The following NR1D2 variants were observed in gnomAD, a reference collection of about 807,000 sequenced individuals.
NR1D2 encodes the protein nuclear receptor subfamily 1 group D member 2.
Under a neutral mutation model 52.2 loss-of-function variants are expected in NR1D2, and 25 were observed. That is an observed-to-expected ratio of 0.48 (90% CI 0.35 to 0.67). The LOEUF (loss-of-function observed/expected upper bound fraction) is 0.67. Ranked by LOEUF, NR1D2 falls within the 30% of genes least tolerant of loss-of-function variation. The pLI is 0.01. For synonymous variants in NR1D2, 259 were observed against 230.1 expected (o/e 1.13, Z -1.14); for missense variants, 681 against 707.2 (o/e 0.96, Z 0.42).
At chr3:23,945,644 A>T in intron 1 of NR1D2, 50 bp downstream of exon 1, 3 of 906,794 alleles carry the variant, frequency 3.3e-6, no homozygotes, top group Non-Finnish European at 4.0e-6. Context: ...GAGCGCTCAG[A>T]GCCCGCGGGG....
At chr3:23,957,612 A>T (rs1161957361) in intron 3 of NR1D2, among the ~76,000 whole-genome samples, 1 of 151,000 alleles carries the variant, frequency 6.6e-6, no homozygotes, top group African/African-American at 2.4e-5. Flanking sequence ...AGTCCCAGCT[A>T]CTCGGGAGGC....
At chr3:23,976,530 G>T (rs1345516174) in intron 7 of NR1D2, among the ~76,000 whole-genome samples, 1 of 152,230 alleles carries the variant, frequency 6.6e-6, no homozygotes, top group African/African-American at 2.4e-5. Flanking sequence ...GAGCACCTCA[G>T]TTGCTTGCTG....
chr3:23,964,122 A>G (rs1463876059), intron 5 of NR1D2, among the ~76,000 whole-genome samples: 2 of 149,866 alleles, frequency 1.3e-5, no homozygotes, highest in Admixed American at 6.7e-5. Flanking sequence ...TCTGTCACCC[A>G]GGCTGGAGTG....
At position 23,966,013 on chromosome 3, in the gene NR1D2, T is replaced by C. The variant is rs72628105; in HGVS notation, c.1332+851T>C. ...CTTCTCTTGCAACACTGTATCCTGC[T>C]TGGGCTTGGGGTAGTCTCTACTGTA... On this transcript the variant is annotated intron_variant, in intron 6 of 7. Coordinates refer to ENST00000312521, the MANE Select transcript of NR1D2 (RefSeq NM_005126.5). 3.6e-3 allele frequency among the ~76,000 whole-genome samples: 541 copies of C among 152,330 alleles called. 14 individuals are homozygous for C. The East Asian group carries it at 0.051, about 14-fold the overall frequency.
intron 7 of NR1D2, among the ~76,000 whole-genome samples, chr3:23,972,501 C>T (rs985330949): frequency 2.6e-5 from 4 of 152,182 alleles, no homozygotes; most frequent in Admixed American, 2.0e-4. Flanking sequence ...TAACAGCAGC[C>T]ACTTCCAGTT....
At chr3:23,949,739 T>G (rs879855761) in intron 1 of NR1D2, among the ~76,000 whole-genome samples, 1 of 152,250 alleles carries the variant, frequency 6.6e-6, no homozygotes, top group Non-Finnish European at 1.5e-5. Context: ...AACTAAAGCT[T>G]CTTGGTGATA....
At chr3:23,958,712 C>CCAA (rs1369219479) in intron 3 of NR1D2, among the ~76,000 whole-genome samples, 1 of 149,824 alleles carries the variant, frequency 6.7e-6, no homozygotes, top group African/African-American at 2.5e-5. Flanking sequence ...CTTTGGGAGG[C>CCAA]CAAGGTGGGC....
At chr3:23,946,085 C>T (rs1705689964) in intron 1 of NR1D2, 1 of 984,694 alleles carries the variant, frequency 1.0e-6, no homozygotes, top group East Asian at 1.1e-4. Context: ...GGCTCCGCCC[C>T]TTTGGAAGCC....
intron 1 of NR1D2, chr3:23,946,108 C>G (rs1225299308): frequency 1.0e-6 from 1 of 984,732 alleles, no homozygotes; most frequent in Non-Finnish European, 1.2e-6. Context: ...GGGGCAGTGA[C>G]GTCGCCGCGA....
Position 23,962,509 on chromosome 3 carries a change from T to C in NR1D2, c.1050T>C (p.Tyr350=). 1 of 1,614,180 alleles carries C rather than the reference T, an allele frequency of 6.2e-7. No homozygotes were observed. Among genetic ancestry groups the C allele is most frequent in the South Asian group, 1.1e-5 (1 of 91,070 alleles). The change falls in exon 5 of 8, where the codon TAT becomes TAC. Residue 350 remains tyrosine, a synonymous_variant. Coordinates refer to ENST00000312521, the MANE Select transcript of NR1D2 (RefSeq NM_005126.5). ...ATTGTATGAACTTCTCCAATGCTTA[T>C]ACTCAAAGAGTATGTGATAGAGTTC... The part of the protein sequence containing the change: ...NGHCMNFSNA[Y]TQRVCDRVPI...
rs1208486190 is a variant in NR1D2 at position 23,980,607 on chromosome 3, T to C, written c.*3188T>C. ...ATGTGGGGGGAGGGGATAATAAATA[T>C]TTCTAACCAACTGTGGTGTTTGGTG... On this transcript the variant is annotated 3_prime_UTR_variant, in exon 8 of 8. Transcript: ENST00000312521. 9.2e-5 allele frequency: 14 copies of C among 152,112 alleles called. No homozygotes were observed. The highest frequency in any genetic ancestry group is 9.2e-4 in the Admixed American group (14 of 15,264). The allele number at this position is 152,112 out of a possible 1,614,324, so 9.4% of individuals were successfully genotyped here.
In NR1D2 at chr3:23,962,342, A is replaced by C. The variant is rs373097979; in HGVS notation, c.883A>C (p.Asn295His). 1 of 1,614,146 alleles carries C rather than the reference A, an allele frequency of 6.2e-7. No individual in the cohort carries two copies. Among genetic ancestry groups the C allele is most frequent in the Non-Finnish European group, 8.5e-7 (1 of 1,180,018 alleles). The change falls in exon 5 of 8, where the codon AAT (asparagine) becomes CAT (histidine). Residue 295 changes from asparagine to histidine, a missense_variant. Coordinates refer to ENST00000312521, the MANE Select transcript of NR1D2 (RefSeq NM_005126.5). The stretch of plus-strand genomic sequence containing the variant: ...GATTCCCAAGAACATGGAGCAATAT[A>C]ATTTAAATCATGATCATTGCGGCAA... ...ERIPKNMEQYNLNHDHCGNGL... is the reference protein window; with the variant it reads ...ERIPKNMEQYHLNHDHCGNGL...
At chr3:23,961,389 C>CTTTTTTTTTTTTTTTTTTTTT (rs869108010) in intron 4 of NR1D2, among the ~76,000 whole-genome samples, 2 of 76,014 alleles carry the variant, frequency 2.6e-5, no homozygotes, top group African/African-American at 5.4e-5. Context: ...CTTTTTCTTT[C>CTTTTTTTTTTTTTTTTTTTTT]TTTTTTTTTT....
At position 23,962,232 on chromosome 3, in the gene NR1D2, C is replaced by A; in HGVS notation, c.773C>A (p.Thr258Asn). 1 of 1,614,162 alleles carries A rather than the reference C, an allele frequency of 6.2e-7. No homozygotes were observed. The highest frequency in any genetic ancestry group is 8.5e-7 in the Non-Finnish European group (1 of 1,180,036). The change falls in exon 5 of 8, where the codon ACC becomes AAC. Residue 258 changes from threonine (T) to asparagine (N), a missense_variant. Thr to Asn is a moderately conservative substitution (Grantham distance 65). Transcript: ENST00000312521. ...AAGGAAGAAGTGATTGGCATGGTGA[C>A]CAGAGCTCACAAGGATACCTTTATG... is the stretch of plus-strand genomic sequence containing the variant. ...FAKEEVIGMV[T>N]RAHKDTFMYN...
At chr3:23,949,494 A>G (rs888761340) in intron 1 of NR1D2, among the ~76,000 whole-genome samples, 2 of 152,160 alleles carry the variant, frequency 1.3e-5, no homozygotes, top group African/African-American at 2.4e-5. Flanking sequence ...GTTTGCCCCT[A>G]TTGATTTCTG....
intron 1 of NR1D2, among the ~76,000 whole-genome samples, chr3:23,950,263 T>C (rs1303493218): frequency 6.6e-6 from 1 of 152,248 alleles, no homozygotes; most frequent in Non-Finnish European, 1.5e-5. Context: ...ACTTGCTTGC[T>C]CAGGTCTTCT....
intron 4 of NR1D2, among the ~76,000 whole-genome samples, chr3:23,961,115 T>A (rs1402322406): frequency 1.3e-5 from 2 of 152,134 alleles, no homozygotes; most frequent in Non-Finnish European, 2.9e-5. Context: ...TTTAAGGATT[T>A]TTTTTTTAAA....
intron 7 of NR1D2, among the ~76,000 whole-genome samples, chr3:23,974,991 G>T (rs1468610671): frequency 6.6e-6 from 1 of 151,450 alleles, no homozygotes; most frequent in Non-Finnish European, 1.5e-5. Flanking sequence ...GCTAAATTTT[G>T]TATTTTTAGT....
chr3:23,966,954 C>G (rs929857859), intron 6 of NR1D2, among the ~76,000 whole-genome samples: 1 of 151,992 alleles, frequency 6.6e-6, no homozygotes, highest in Non-Finnish European at 1.5e-5. Flanking sequence ...TCACTTGAGC[C>G]GGGGAGGTTC....
Sources: allele counts gnomAD v4.1 joint callset (sites outside exome capture counted in the v4.1 genomes callset), GRCh38; gene constraint gnomAD v4.1.1; transcripts MANE v1.5; gene names NCBI Gene and HGNC (gene_info 2026-07-23, HGNC 2026-07-21).